Variants in XKR9 observed in about 807,000 individuals in gnomAD.
XKR9 encodes XK-related protein 9.
In XKR9, 32 loss-of-function variants were observed where a neutral mutation model predicts 32.0. The ratio of observed to expected loss-of-function variants is 1.00; its 90% confidence interval spans 0.76 to 1.34. XKR9 has a LOEUF of 1.34. Ranked by LOEUF, XKR9 falls within the 40% of genes most tolerant of loss-of-function variation. The pLI is 0.00. For synonymous variants in XKR9, 168 were observed against 143.4 expected (o/e 1.17, Z -1.22); for missense variants, 546 against 429.7 (o/e 1.27, Z -2.39).
At chr8:71,015,474 A>G in the XKR9 span, among the ~76,000 whole-genome samples, 4 of 152,204 alleles carry the variant, frequency 2.6e-5, no homozygotes, top group African/African-American at 9.6e-5. Context: ...TCCTTGGTAC[A>G]TGCTTTAGTC....
chr8:70,797,332 C>A, the XKR9 span, among the ~76,000 whole-genome samples: 2 of 152,114 alleles, frequency 1.3e-5, no homozygotes, highest in Non-Finnish European at 2.9e-5. Context: ...GATACCAAGA[C>A]AATTTTTACC....
the XKR9 span, among the ~76,000 whole-genome samples, chr8:70,864,558 C>T: frequency 6.6e-6 from 1 of 152,102 alleles, no homozygotes; most frequent in African/African-American, 2.4e-5. Flanking sequence ...TGAAAATTGA[C>T]CTAGAAGCAT....
chr8:70,770,023 TG>T (rs1354915097), intron 2 of XKR9, among the ~76,000 whole-genome samples: 1 of 152,164 alleles, frequency 6.6e-6, no homozygotes, highest in Non-Finnish European at 1.5e-5. Flanking sequence ...AGATGCATTC[TG>T]GTTTTTGGAA....
the XKR9 span, among the ~76,000 whole-genome samples, chr8:70,927,319 T>C: frequency 6.6e-6 from 1 of 152,088 alleles, no homozygotes; most frequent in Non-Finnish European, 1.5e-5. Context: ...GGATCGTCTT[T>C]GGATGCCGGG....
chr8:70,990,840 A>T, the XKR9 span, among the ~76,000 whole-genome samples: 1 of 152,020 alleles, frequency 6.6e-6, no homozygotes, highest in African/African-American at 2.4e-5. Flanking sequence ...ACTTGGGATC[A>T]TTTCATCAGT....
the XKR9 span, among the ~76,000 whole-genome samples, chr8:71,011,310 AC>A: frequency 3.3e-4 from 50 of 152,336 alleles, no homozygotes; most frequent in South Asian, 2.1e-3. Flanking sequence ...ACACATAGTA[AC>A]TGACGCTATT....
At chr8:70,987,040 T>C in the XKR9 span, among the ~76,000 whole-genome samples, 3 of 152,170 alleles carry the variant, frequency 2.0e-5, no homozygotes, top group Non-Finnish European at 2.9e-5. Context: ...TTCATTACCA[T>C]GAGAACAGTA....
At chr8:70,893,407 C>T in the XKR9 span, among the ~76,000 whole-genome samples, 1 of 152,238 alleles carries the variant, frequency 6.6e-6, no homozygotes, top group South Asian at 2.1e-4. Context: ...TATTTCCTTG[C>T]TTTTTCATGT....
At chr8:70,698,087 T>G (rs1366440587) in intron 3 of XKR9, among the ~76,000 whole-genome samples, 2 of 152,320 alleles carry the variant, frequency 1.3e-5, no homozygotes, top group Non-Finnish European at 2.9e-5. Flanking sequence ...TCTTCTTTAT[T>G]AGTCTTGCTA....
At chr8:70,867,723 A>T in the XKR9 span, among the ~76,000 whole-genome samples, 24 of 151,982 alleles carry the variant, frequency 1.6e-4, no homozygotes, top group African/African-American at 5.5e-4. Context: ...GAGTGCTGGG[A>T]TTACAGGCAT....
At chr8:71,054,231 C>T in the XKR9 span, among the ~76,000 whole-genome samples, 1 of 152,142 alleles carries the variant, frequency 6.6e-6, no homozygotes, top group African/African-American at 2.4e-5. Flanking sequence ...GTGTATTTCC[C>T]AGTCCATACT....
At chr8:70,838,351 G>A in the XKR9 span, among the ~76,000 whole-genome samples, 1 of 152,008 alleles carries the variant, frequency 6.6e-6, no homozygotes, top group East Asian at 1.9e-4. Flanking sequence ...TGTACTGAAT[G>A]CATTTTATGA....
At chr8:70,877,926 C>T in the XKR9 span, among the ~76,000 whole-genome samples, 1 of 152,156 alleles carries the variant, frequency 6.6e-6, no homozygotes, top group Non-Finnish European at 1.5e-5. Context: ...TCGAGTTACT[C>T]ACAAAGGGAA....
At chr8:70,813,952 CA>C in the XKR9 span, among the ~76,000 whole-genome samples, 1 of 152,098 alleles carries the variant, frequency 6.6e-6, no homozygotes, top group Non-Finnish European at 1.5e-5. Flanking sequence ...AGTATATACC[CA>C]AAGGATTATA....
At chr8:70,727,566 A>C (rs555800168) in intron 4 of XKR9, among the ~76,000 whole-genome samples, 25 of 151,880 alleles carry the variant, frequency 1.6e-4, no homozygotes, top group Admixed American at 1.6e-3. Flanking sequence ...ACGCCTGGCT[A>C]ATTGTTTATT....
chr8:70,829,014 C>G, the XKR9 span, among the ~76,000 whole-genome samples: 1 of 152,184 alleles, frequency 6.6e-6, no homozygotes, highest in Non-Finnish European at 1.5e-5. Context: ...TGGAAATTCT[C>G]CCCTTGAGAG....
chr8:70,680,852 T>G lies in XKR9; in HGVS notation c.-207T>G, dbSNP rs1819053926. ...AAAGCCTTGTAACATTGGACCTAGA[T>G]TAGAGATTTAGAAAAGAAAGTCAAA... is the stretch of plus-strand genomic sequence containing the variant. On this transcript the variant is annotated 5_prime_UTR_variant, in exon 3 of 5. Coordinates refer to ENST00000408926, the MANE Select transcript of XKR9 (RefSeq NM_001011720.2). 1 of 424,254 alleles carries G rather than the reference T, an allele frequency of 2.4e-6. No homozygotes were observed. The highest frequency in any genetic ancestry group is 2.0e-5 in the African/African-American group (1 of 50,246). 26.3% of individuals were successfully genotyped at this position (424,254 alleles called of 1,614,324 possible).
the XKR9 span, among the ~76,000 whole-genome samples, chr8:70,994,279 A>G: frequency 1.3e-5 from 2 of 152,138 alleles, no homozygotes. Context: ...AAGATTTCTT[A>G]AAGGACAGGT....
intron 2 of XKR9, among the ~76,000 whole-genome samples, chr8:70,772,411 T>A (rs565955899): frequency 1.3e-5 from 2 of 152,332 alleles, no homozygotes; most frequent in East Asian, 3.9e-4. Flanking sequence ...TCCATTTGTG[T>A]TGACCCTACA....
Sources: allele counts gnomAD v4.1 joint callset (sites outside exome capture counted in the v4.1 genomes callset), GRCh38; gene constraint gnomAD v4.1.1; transcripts MANE v1.5; gene names NCBI Gene and HGNC (gene_info 2026-07-23, HGNC 2026-07-21).